The following LIPH variants were observed in gnomAD, a reference collection of about 807,000 sequenced individuals.
LIPH encodes lipase member H.
A neutral mutation model predicts 47.6 loss-of-function variants in LIPH; 32 were observed. The observed-to-expected ratio is 0.67, with a 90% CI of 0.51 to 0.90. The LOEUF is 0.90. Among genes scored for constraint, LIPH ranks in the 40% least tolerant of loss-of-function variants. The pLI, the probability that LIPH is intolerant of heterozygous loss-of-function variation, is 0.00. For synonymous variants in LIPH, 190 were observed against 195.6 expected, an observed-to-expected ratio of 0.97 and a Z score of 0.24; for missense variants, 497 against 541.4, an observed-to-expected ratio of 0.92 and a Z score of 0.81.
rs1162830827 is a variant in LIPH, at chr3:185,535,095, G to C, written c.87C>G (p.Ser29Arg). Reference protein sequence around the residue: ...EETCPSFTRLSFHSAVVGTGL... With the variant: ...EETCPSFTRLRFHSAVVGTGL... ...CCGTACCAACCACTGCACTGTGAAA[G>C]CTCAGCCTGGTGAATGAAGGACATG... The change falls in exon 2 of 10, where the codon AGC becomes AGG. Residue 29 changes from serine to arginine, a missense_variant. Physicochemically the swap from Ser to Arg is moderately radical, Grantham distance 110 (BLOSUM62 -1). Transcript: ENST00000296252. 3.1e-6 allele frequency: 5 copies of C among 1,614,062 alleles called. No homozygotes were observed. Among genetic ancestry groups the C allele is most frequent in the Non-Finnish European group, 4.2e-6 (5 of 1,180,038 alleles).
At position 185,517,112 on chromosome 3, in the gene LIPH, T is replaced by C. The variant is rs533694087; in HGVS notation, c.937A>G (p.Met313Val). 4 of 1,613,204 alleles carry C rather than the reference T, an allele frequency of 2.5e-6. No homozygotes were observed. The South Asian group carries it at 4.4e-5, about 18-fold the overall frequency. ...KDHLRGKDPP[M>V]TKAFFDTAEE... Reference sequence around the variant, plus strand: ...GCTGTGTCAAAGAATGCCTTCGTCATTGGAGGATCTTTCCCCCTTAGATGG... The same window carrying C: ...GCTGTGTCAAAGAATGCCTTCGTCACTGGAGGATCTTTCCCCCTTAGATGG... The change falls in exon 7 of 10, where the codon ATG (methionine) becomes GTG (valine). Residue 313 changes from methionine (M) to valine (V), a missense_variant. Coordinates refer to ENST00000296252, the MANE Select transcript of LIPH (RefSeq NM_139248.3).
Position 185,506,852 on chromosome 3 carries a change from A to C in LIPH, c.*1938T>G, listed in dbSNP as rs2148943175. ...ATCTAAAAAAAAAAAAAAAAAAAAA[A>C]AAAAAAAACCAGGGCCTACAGCACA... is the stretch of plus-strand genomic sequence containing the variant. On this transcript the variant is annotated 3_prime_UTR_variant, in exon 10 of 10. Transcript: ENST00000296252. 1 of 150,702 alleles carries C rather than the reference A, an allele frequency of 6.6e-6. No individual in the cohort carries two copies. Among genetic ancestry groups the C allele is most frequent in the African/African-American group, 2.4e-5 (1 of 40,990 alleles). The allele number at this position is 150,702 out of a possible 1,614,324, so 9.3% of individuals were successfully genotyped here. A position where few individuals can be genotyped will look rare whatever the true frequency, so the allele number is the denominator to read the frequency against.
chr3:185,538,822 C>T (rs60436448), intron 1 of LIPH, among the ~76,000 whole-genome samples: 14 of 12,214 alleles, frequency 1.1e-3, no homozygotes, highest in East Asian at 6.8e-3. Context: ...TATATACACA[C>T]ATATACATAT....
intron 1 of LIPH, among the ~76,000 whole-genome samples, chr3:185,543,774 A>G (rs923118787): frequency 6.6e-6 from 1 of 151,698 alleles, no homozygotes; most frequent in Admixed American, 6.6e-5. Flanking sequence ...TTAGTTCTAT[A>G]AAGTACATGT....
At chr3:185,513,210 C>T (rs1437198283) in intron 8 of LIPH, among the ~76,000 whole-genome samples, 1 of 151,880 alleles carries the variant, frequency 6.6e-6, no homozygotes, top group Admixed American at 6.6e-5. Flanking sequence ...CATGGTGGCT[C>T]ACGCTTGTAG....
intron 1 of LIPH, among the ~76,000 whole-genome samples, chr3:185,547,878 T>C (rs553569813): frequency 1.3e-5 from 2 of 151,444 alleles, no homozygotes; most frequent in East Asian, 3.9e-4. Flanking sequence ...GAGACCCAGA[T>C]AAAGATTAAC....
intron 1 of LIPH, among the ~76,000 whole-genome samples, chr3:185,541,021 A>G (rs1313947514): frequency 6.6e-6 from 1 of 152,088 alleles, no homozygotes; most frequent in East Asian, 1.9e-4. Context: ...ACAATATCTA[A>G]TGTTTCTTTG....
chr3:185,522,652 AAGAAAGAAAGAAAG>A (rs1397694325), intron 5 of LIPH, among the ~76,000 whole-genome samples: 1 of 14,006 alleles, frequency 7.1e-5, no homozygotes, highest in Non-Finnish European at 1.3e-4. Context: ...GAGAAAGAAA[AAGAAAGAAAGAAAG>A]AAAGAAAGAA....
Position 185,517,148 on chromosome 3 carries a change from T to C in LIPH, c.901A>G (p.Asn301Asp). 6.3e-7 allele frequency: 1 copy of C among 1,597,318 alleles called. No individual in the cohort carries two copies. Among genetic ancestry groups the C allele is most frequent in the Non-Finnish European group, 8.6e-7 (1 of 1,164,692 alleles). The change falls in exon 7 of 10, where the codon AAT (asparagine) becomes GAT (aspartate). Residue 301 changes from asparagine (N) to aspartate (D), a missense_variant. Coordinates refer to ENST00000296252, the MANE Select transcript of LIPH (RefSeq NM_139248.3). ...TTCCCCCTTAGATGGTCTTTCCAAT[T>C]ATCAGCATAATAGCCTATGAAACAA... ...SCPLLGYYAD[N>D]WKDHLRGKDP...
intron 2 of LIPH, among the ~76,000 whole-genome samples, chr3:185,534,291 G>T (rs563723202): frequency 6.6e-6 from 1 of 152,044 alleles, no homozygotes; most frequent in African/African-American, 2.4e-5. Context: ...GGTAGGCAAA[G>T]GTTGCGGTGA....
chr3:185,540,336 G>T (rs866169709), intron 1 of LIPH, among the ~76,000 whole-genome samples: 2 of 152,010 alleles, frequency 1.3e-5, no homozygotes, highest in South Asian at 4.2e-4. Flanking sequence ...TTTTATCAGG[G>T]GTTCTTTTGT....
intron 5 of LIPH, among the ~76,000 whole-genome samples, chr3:185,521,999 G>A (rs1001352316): frequency 1.3e-5 from 2 of 152,080 alleles, no homozygotes; most frequent in Admixed American, 6.6e-5. Flanking sequence ...TGTATATATT[G>A]TACTTATAAC....
At chr3:185,529,172 G>A (rs1306587988) in intron 3 of LIPH, among the ~76,000 whole-genome samples, 21 of 62,142 alleles carry the variant, frequency 3.4e-4, no homozygotes, top group African/African-American at 8.4e-4. Flanking sequence ...GCGAGACTCC[G>A]TCTCAAAAAA....
rs571705680 is a variant in LIPH, at chr3:185,529,103, G to A, written c.527-1518C>T. Among the ~76,000 whole-genome samples, 3 of 146,662 alleles carry A rather than the reference G, an allele frequency of 2.0e-5. No homozygotes were observed. In the South Asian group the frequency reaches 6.6e-4, roughly 32 times the overall value. Reference sequence around the variant, plus strand: ...AAGGCAGGAGAATTGTTTGAACTGGGGAGGCAGAGGTTGCAGTGAGCCAAG... The same window carrying A: ...AAGGCAGGAGAATTGTTTGAACTGGAGAGGCAGAGGTTGCAGTGAGCCAAG... On this transcript the variant is annotated intron_variant, in intron 3 of 9. Coordinates refer to ENST00000296252, the MANE Select transcript of LIPH (RefSeq NM_139248.3).
At chr3:185,516,650 T>C (rs1306411501) in intron 7 of LIPH, among the ~76,000 whole-genome samples, 2 of 152,082 alleles carry the variant, frequency 1.3e-5, no homozygotes, top group Non-Finnish European at 2.9e-5. Context: ...CCTGTAGATA[T>C]GGCTGACACC....
chr3:185,522,667 A>G (rs1056318794), intron 5 of LIPH, among the ~76,000 whole-genome samples: 2 of 29,858 alleles, frequency 6.7e-5, no homozygotes, highest in African/African-American at 3.5e-4. Context: ...AGAAAGAAAG[A>G]AAGAAAGAAA....
intron 1 of LIPH, among the ~76,000 whole-genome samples, chr3:185,544,245 C>T (rs1264262365): frequency 6.6e-6 from 1 of 152,124 alleles, no homozygotes; most frequent in Non-Finnish European, 1.5e-5. Flanking sequence ...AATGACCTGG[C>T]TTTGAACCAT....
At chr3:185,544,783 A>T (rs1198273747) in intron 1 of LIPH, among the ~76,000 whole-genome samples, 1 of 152,140 alleles carries the variant, frequency 6.6e-6, no homozygotes, top group Non-Finnish European at 1.5e-5. Context: ...CACCCGTTGT[A>T]TTCTCAGTGC....
intron 1 of LIPH, among the ~76,000 whole-genome samples, chr3:185,536,976 C>T (rs932126861): frequency 1.2e-4 from 18 of 152,126 alleles, no homozygotes; most frequent in Admixed American, 9.8e-4. Flanking sequence ...ACTTCATCTC[C>T]GGGATTCAAG....
Sources: allele counts gnomAD v4.1 joint callset (sites outside exome capture counted in the v4.1 genomes callset), GRCh38; gene constraint gnomAD v4.1.1; transcripts MANE v1.5; gene names NCBI Gene and HGNC (gene_info 2026-07-23, HGNC 2026-07-21).